TMEM131: variants seen among roughly 807,000 people sequenced by gnomAD.
The protein encoded by TMEM131 is transmembrane protein 131.
In TMEM131, 66 loss-of-function variants were observed where a neutral mutation model predicts 211.6. That is an observed-to-expected ratio of 0.31 (90% CI 0.26 to 0.38). The LOEUF (loss-of-function observed/expected upper bound fraction) is 0.38. Ranked by LOEUF, TMEM131 falls within the 10% of genes least tolerant of loss-of-function variation. The pLI, the probability that TMEM131 is intolerant of heterozygous loss-of-function variation, is 1.00. For missense variants in TMEM131, 2,036 were observed against 2,299.3 expected (o/e 0.89, Z 2.34); for synonymous variants, 844 against 841.3 (o/e 1.00, Z -0.06).
rs776804888 is a variant in TMEM131 at position 97,833,443 on chromosome 2, A to C, written c.1013-17T>G. 1.6e-5 allele frequency: 19 copies of C among 1,200,752 alleles called. No individual in the cohort carries two copies. The highest frequency in any genetic ancestry group is 1.6e-5 in the Non-Finnish European group (14 of 849,124). 74.4% of individuals were successfully genotyped at this position (1,200,752 alleles called of 1,614,324 possible). A position where few individuals can be genotyped will look rare whatever the true frequency, so the allele number is the denominator to read the frequency against. ...TTGGTAGATCTGTTAAAATTGAGGA[A>C]AAGAAATATTTCTTAAAAAGGTGCT... On this transcript the variant is annotated splice_polypyrimidine_tract_variant and intron_variant, in intron 10 of 40. Transcript: ENST00000186436.
intron 35 of TMEM131, chr2:97,764,484 T>C (rs550249956): frequency 1.3e-5 from 2 of 152,420 alleles, no homozygotes; most frequent in South Asian, 2.1e-4. Context: ...TTGGAACCAG[T>C]GTAAGGGACT....
At chr2:97,969,256 A>T (rs1026876553) in intron 1 of TMEM131, among the ~76,000 whole-genome samples, 2 of 152,188 alleles carry the variant, frequency 1.3e-5, no homozygotes, top group East Asian at 1.9e-4. Context: ...CACAGTACAT[A>T]TCATAAGGCC....
intron 3 of TMEM131, among the ~76,000 whole-genome samples, chr2:97,897,960 T>C (rs114926391): frequency 5.6e-4 from 86 of 152,262 alleles, no homozygotes; most frequent in African/African-American, 1.9e-3. Flanking sequence ...TTTCAAGTAT[T>C]TGACCACTTC....
chr2:97,927,593 A>C, intron 1 of TMEM131, 106 bp from the exon 2 acceptor site: 2 of 934,750 alleles, frequency 2.1e-6, no homozygotes, highest in Non-Finnish European at 3.0e-6. Flanking sequence ...CTAAAAATGG[A>C]CTGCTTAATG....
At chr2:97,847,935 C>T (rs906538675) in intron 5 of TMEM131, among the ~76,000 whole-genome samples, 9 of 151,432 alleles carry the variant, frequency 5.9e-5, no homozygotes, top group South Asian at 2.1e-4. Flanking sequence ...GAAACTGACA[C>T]GCTGATTCTA....
At chr2:97,844,479 G>A (rs148792323) in intron 5 of TMEM131, among the ~76,000 whole-genome samples, 18 of 152,326 alleles carry the variant, frequency 1.2e-4, no homozygotes, top group Non-Finnish European at 2.5e-4. Context: ...TTGTACAACA[G>A]ATGGTTTCCT....
chr2:97,851,629 T>A (rs1378291194), intron 5 of TMEM131, among the ~76,000 whole-genome samples: 1 of 152,230 alleles, frequency 6.6e-6, no homozygotes, highest in Admixed American at 6.5e-5. Flanking sequence ...AATCTTGCAA[T>A]ATTTCCAAAT....
rs144265393 is a variant in TMEM131 at position 97,845,203 on chromosome 2, A to T, written c.484-942T>A. Among the ~76,000 whole-genome samples, 442 of 152,180 alleles carry T rather than the reference A, an allele frequency of 2.9e-3. 1 individual carries two copies. The highest frequency in any genetic ancestry group is 0.01 in the African/African-American group (426 of 41,550). The stretch of plus-strand genomic sequence containing the variant: ...AGATTATCAACTAGCCTGAAATCGT[A>T]GAAAAGACAAGCACCTCCAAGGACA... On this transcript the variant is annotated intron_variant, in intron 5 of 40. Transcript: ENST00000186436.
At chr2:97,784,227 T>C (rs531671331) in intron 31 of TMEM131, among the ~76,000 whole-genome samples, 1 of 152,192 alleles carries the variant, frequency 6.6e-6, no homozygotes, top group African/African-American at 2.4e-5. Context: ...CAGACTCTAA[T>C]GGACATTTAT....
intron 3 of TMEM131, 109 bp downstream of exon 3, chr2:97,908,549 T>C: frequency 1.3e-6 from 1 of 747,364 alleles, no homozygotes; most frequent in Non-Finnish European, 2.2e-6. Flanking sequence ...GATTTACAAT[T>C]TGCTATTCCT....
At chr2:97,815,698 C>T (rs1449363977) in intron 12 of TMEM131, among the ~76,000 whole-genome samples, 2 of 152,132 alleles carry the variant, frequency 1.3e-5, no homozygotes, top group African/African-American at 2.4e-5. Context: ...GGATGTTTAG[C>T]AGCATCCCGG....
intron 1 of TMEM131, among the ~76,000 whole-genome samples, chr2:97,974,383 C>T (rs1192459686): frequency 6.6e-6 from 1 of 151,770 alleles, no homozygotes; most frequent in Non-Finnish European, 1.5e-5. Context: ...AACTGGAATC[C>T]TCAAAATGGG....
At chr2:97,977,700 T>A (rs546485319) in intron 1 of TMEM131, among the ~76,000 whole-genome samples, 19 of 152,374 alleles carry the variant, frequency 1.2e-4, no homozygotes, top group Admixed American at 1.0e-3. Flanking sequence ...CTTCAGCAAG[T>A]CATAATCTTT....
intron 1 of TMEM131, among the ~76,000 whole-genome samples, chr2:97,928,053 G>A (rs1677063552): frequency 6.6e-6 from 1 of 152,108 alleles, no homozygotes. Context: ...ACAATCTGGC[G>A]ATCGTGCTTC....
chr2:97,824,453 A>G (rs1682280112), intron 11 of TMEM131, among the ~76,000 whole-genome samples: 3 of 152,364 alleles, frequency 2.0e-5, no homozygotes, highest in South Asian at 2.1e-4. Flanking sequence ...ATCCTGGGAC[A>G]GCCTGTAACC....
At chr2:97,814,664 A>G (rs1466184612) in intron 13 of TMEM131, among the ~76,000 whole-genome samples, 2 of 152,316 alleles carry the variant, frequency 1.3e-5, no homozygotes, top group East Asian at 3.9e-4. Context: ...CTTTACTTTG[A>G]AAAAAATCAT....
At chr2:97,969,119 T>C (rs1005780489) in intron 1 of TMEM131, among the ~76,000 whole-genome samples, 4 of 151,666 alleles carry the variant, frequency 2.6e-5, no homozygotes, top group Admixed American at 6.6e-5. Context: ...TATGACAACA[T>C]TTATGTTAGT....
chr2:97,973,361 G>A (rs549927118), intron 1 of TMEM131, among the ~76,000 whole-genome samples: 3 of 152,282 alleles, frequency 2.0e-5, no homozygotes, highest in African/African-American at 7.2e-5. Context: ...GTCAACGAAG[G>A]ACATGGGAAA....
intron 1 of TMEM131, among the ~76,000 whole-genome samples, chr2:97,971,968 G>C (rs1252467652): frequency 1.3e-5 from 2 of 152,206 alleles, no homozygotes; most frequent in Non-Finnish European, 2.9e-5. Flanking sequence ...AGCACTTTGA[G>C]AGGCCAAGCT....
Sources: allele counts gnomAD v4.1 joint callset (sites outside exome capture counted in the v4.1 genomes callset), GRCh38; gene constraint gnomAD v4.1.1; transcripts MANE v1.5; gene names NCBI Gene and HGNC (gene_info 2026-07-23, HGNC 2026-07-21).